The following MICAL2 variants were observed in gnomAD, a reference collection of about 807,000 sequenced individuals.
MICAL2 encodes microtubule associated monooxygenase, calponin and LIM domain containing 2.
In MICAL2, 77 loss-of-function variants were observed where a neutral mutation model predicts 127.3. The observed-to-expected ratio is 0.60, with a 90% CI of 0.50 to 0.73. MICAL2 has a LOEUF of 0.73. MICAL2 is among the 30% of genes least tolerant of loss of function. The pLI, the probability that MICAL2 is intolerant of heterozygous loss-of-function variation, is 0.00. For synonymous variants in MICAL2, 570 were observed against 551.1 expected (o/e 1.03, Z -0.48); for missense variants, 1,351 against 1,434.4 (o/e 0.94, Z 0.94).
At chr11:12,304,661 C>T (rs865908325) in intron 29 of MICAL2, among the ~76,000 whole-genome samples, 6,083 of 149,140 alleles carry the variant, frequency 0.041, 200 homozygotes, top group African/African-American at 0.045. Flanking sequence ...CACACACACA[C>T]ACACACACAC....
intron 18 of MICAL2, 85 bp downstream of exon 18, chr11:12,241,247 A>AC: frequency 2.0e-6 from 3 of 1,499,670 alleles, no homozygotes; most frequent in Non-Finnish European, 2.7e-6. Context: ...CTCTTCCCAC[A>AC]CCCCAAGTAG....
rs140729691 is a variant in MICAL2 at position 12,285,904 on chromosome 11, G to A, written c.255-1183G>A. Among the ~76,000 whole-genome samples the A allele has an allele frequency of 9.1e-3, 1,334 of 147,050 alleles. 23 individuals carry two copies. Among genetic ancestry groups the A allele is most frequent in the African/African-American group, 0.031 (1,283 of 40,784 alleles). ...CATCATGCCCTTGGGCTTCCTTTCC[G>A]TTCATGCTTCCTGGCCCTGCCTGTG... On this transcript the variant is annotated intron_variant, in intron 2 of 2. Transcript: ENST00000529028.
Position 12,222,682 on chromosome 11 carries a change from A to G in MICAL2, c.1388A>G (p.Tyr463Cys). Residue 463 changes from tyrosine to cysteine, a missense_variant, in exon 11 of 28, where the codon TAC becomes TGC. Tyr to Cys is a radical substitution (Grantham distance 194, BLOSUM62 -2). Coordinates refer to ENST00000683283, the MANE Select transcript of MICAL2 (RefSeq NM_001282663.2). ...PENINKNFEQYTLDPGTRYPN... is the reference protein window; with the variant it reads ...PENINKNFEQCTLDPGTRYPN... ...AACATCAACAAGAACTTTGAGCAGT[A>G]CACGTTGGACCCAGGGACACGGTAC... 1 of 1,614,252 alleles carries G rather than the reference A, an allele frequency of 6.2e-7. No individual in the cohort carries two copies. Among genetic ancestry groups the G allele is most frequent in the Admixed American group, 1.7e-5 (1 of 60,028 alleles).
chr11:12,250,065 T>C (rs1482426060), intron 22 of MICAL2: 1 of 152,212 alleles, frequency 6.6e-6, no homozygotes, highest in Non-Finnish European at 1.5e-5. Context: ...CTAGCCATCG[T>C]CTGCAGCCTC....
At position 12,187,470 on chromosome 11, in the gene MICAL2, G is replaced by A. The variant is rs73416220; in HGVS notation, c.265-16780G>A. Among the ~76,000 whole-genome samples the A allele has an allele frequency of 8.2e-3, 1,253 of 152,294 alleles. 20 individuals carry two copies. Among genetic ancestry groups the A allele is most frequent in the African/African-American group, 0.029 (1,187 of 41,550 alleles). On this transcript the variant is annotated intron_variant, in intron 3 of 27. Coordinates refer to ENST00000683283, the MANE Select transcript of MICAL2 (RefSeq NM_001282663.2). ...CTGGGGCAGCAGTGAGCAAATGAGG[G>A]ACTGAATGCGTCCAGACAGCGGCAG...
intron 29 of MICAL2, among the ~76,000 whole-genome samples, chr11:12,312,580 G>A (rs995589077): frequency 6.6e-6 from 1 of 152,102 alleles, no homozygotes; most frequent in African/African-American, 2.4e-5. Context: ...CCAACAAAAG[G>A]CAGTTTAACA....
intron 20 of MICAL2, 105 bp from the exon 21 acceptor site, chr11:12,243,882 T>C (rs941121385): frequency 2.1e-6 from 3 of 1,396,578 alleles, no homozygotes; most frequent in Non-Finnish European, 3.0e-6. Context: ...GTCTCCTTTC[T>C]TTGCCTTCTT....
chr11:12,255,149 C>G (rs2134640293), intron 22 of MICAL2: 1 of 157,248 alleles, frequency 6.4e-6, no homozygotes, highest in East Asian at 1.8e-4. Flanking sequence ...AACTCCGGAC[C>G]TCAGGTGATC....
intron 32 of MICAL2, among the ~76,000 whole-genome samples, chr11:12,332,880 G>A (rs1242665715): frequency 2.0e-5 from 3 of 152,160 alleles, no homozygotes; most frequent in Non-Finnish European, 4.4e-5. Context: ...AGGTTCAGAG[G>A]ATGGTAGGGC....
chr11:12,170,663 G>A (rs1281910630), intron 3 of MICAL2, among the ~76,000 whole-genome samples: 1 of 152,176 alleles, frequency 6.6e-6, no homozygotes, highest in Non-Finnish European at 1.5e-5. Context: ...TTATGATTCA[G>A]TTCAAGCAGA....
chr11:12,236,083 C>A, intron 15 of MICAL2, 94 bp from the exon 16 acceptor site: 1 of 1,062,162 alleles, frequency 9.4e-7, no homozygotes, highest in Non-Finnish European at 1.5e-6. Flanking sequence ...TCCTCAGCGC[C>A]AGCTCAAAGC....
intron 1 of MICAL2, among the ~76,000 whole-genome samples, chr11:12,111,723 G>A (rs1229078787): frequency 6.6e-6 from 1 of 152,236 alleles, no homozygotes; most frequent in African/African-American, 2.4e-5. Flanking sequence ...AATGATTTTG[G>A]TGAAGGATGA....
At chr11:12,206,397 T>C (rs1854689554) in intron 4 of MICAL2, among the ~76,000 whole-genome samples, 1 of 152,090 alleles carries the variant, frequency 6.6e-6, no homozygotes, top group African/African-American at 2.4e-5. Context: ...AGAATGATCA[T>C]TGTCAAGGGT....
In MICAL2 at chr11:12,170,746, G is replaced by T. The variant is rs553017295; in HGVS notation, c.264+8327G>T. 2.0e-5 allele frequency among the ~76,000 whole-genome samples: 3 copies of T among 152,214 alleles called. No homozygotes were observed. In the South Asian group the frequency reaches 6.2e-4, roughly 32 times the overall value. On this transcript the variant is annotated intron_variant, in intron 3 of 27. Coordinates refer to ENST00000683283, the MANE Select transcript of MICAL2 (RefSeq NM_001282663.2). ...CTCCTCTTATTCCATCCCCAATCTG[G>T]GTTTGGTGCCCCAGTGGGCTCCTAG... is the stretch of plus-strand genomic sequence containing the variant.
chr11:12,252,365 G>A (rs1013969367), intron 22 of MICAL2, among the ~76,000 whole-genome samples: 2 of 152,330 alleles, frequency 1.3e-5, no homozygotes, highest in South Asian at 4.1e-4. Context: ...GGGGAGCCAG[G>A]CCTGACAGCT....
intron 32 of MICAL2, among the ~76,000 whole-genome samples, chr11:12,336,567 C>G: frequency 6.6e-6 from 1 of 152,124 alleles, no homozygotes; most frequent in Non-Finnish European, 1.5e-5. Flanking sequence ...TTTGTCCATT[C>G]AGTATGATAT....
intron 3 of MICAL2, among the ~76,000 whole-genome samples, chr11:12,184,446 G>A (rs556626432): frequency 9.9e-5 from 15 of 152,202 alleles, no homozygotes; most frequent in Admixed American, 3.9e-4. Flanking sequence ...AAATGTGGTA[G>A]TCAGCTGCTT....
intron 2 of MICAL2, among the ~76,000 whole-genome samples, chr11:12,141,059 G>A (rs573402458): frequency 2.0e-5 from 3 of 152,060 alleles, no homozygotes; most frequent in African/African-American, 7.2e-5. Context: ...GAATTCATGG[G>A]CTCCGGGAGG....
At chr11:12,117,239 G>C (rs1009291737) in intron 1 of MICAL2, among the ~76,000 whole-genome samples, 1 of 151,942 alleles carries the variant, frequency 6.6e-6, no homozygotes, top group Non-Finnish European at 1.5e-5. Flanking sequence ...TCTGCTGGCA[G>C]CAAGAGGAGG....
Sources: gnomAD v4.1 joint callset for allele counts (sites outside exome capture counted in the v4.1 genomes callset) on GRCh38, gnomAD v4.1.1 for gene constraint, MANE v1.5 for transcripts, NCBI Gene and HGNC (gene_info 2026-07-23, HGNC 2026-07-21) for gene names.